Variants in BRAF observed in about 807,000 individuals in gnomAD.
BRAF encodes the protein B-Raf proto-oncogene, serine/threonine kinase, also known as serine/threonine-protein kinase B-raf.
A neutral mutation model predicts 104.6 loss-of-function variants in BRAF; 16 were observed. That is an observed-to-expected ratio of 0.15 (90% CI 0.10 to 0.23). BRAF has a LOEUF of 0.23. BRAF is among the 10% of genes least tolerant of loss of function. The probability of loss-of-function intolerance (pLI) is 1.00; values close to 1 mark genes in which losing one functional copy is unlikely to be tolerated. For synonymous variants in BRAF, 310 were observed against 341.6 expected (o/e 0.91, Z 1.02); for missense variants, 541 against 937.3 (o/e 0.58, Z 5.52).
At chr7:140,812,922 A>C (rs1562971989) in intron 3 of BRAF, among the ~76,000 whole-genome samples, 1 of 152,202 alleles carries the variant, frequency 6.6e-6, no homozygotes, top group Non-Finnish European at 1.5e-5. Context: ...AAGAAAGGGA[A>C]GGAGAGTGAA....
At chr7:140,758,958 T>C (rs1798434144) in intron 14 of BRAF, among the ~76,000 whole-genome samples, 1 of 152,226 alleles carries the variant, frequency 6.6e-6, no homozygotes, top group Non-Finnish European at 1.5e-5. Flanking sequence ...GGGAAACCAT[T>C]GATAATGACT....
At chr7:140,835,279 T>G (rs1032660004) in intron 2 of BRAF, 1 of 190,158 alleles carries the variant, frequency 5.3e-6, no homozygotes, top group Non-Finnish European at 1.1e-5. Flanking sequence ...TGTAGGCATA[T>G]GAATTCCATT....
At chr7:140,824,039 G>A (rs1805752822) in intron 3 of BRAF, 1 of 152,076 alleles carries the variant, frequency 6.6e-6, no homozygotes, top group Non-Finnish European at 1.5e-5. Context: ...TTATATTCTG[G>A]ATATTAACCC....
chr7:140,718,359 T>C (rs1373287703), downstream of BRAF, among the ~76,000 whole-genome samples: 22 of 152,240 alleles, frequency 1.4e-4, no homozygotes, highest in Non-Finnish European at 1.5e-5. Context: ...CAAGCGATTC[T>C]CCTGCCTCAG....
At chr7:140,844,803 T>C (rs1808373041) in intron 2 of BRAF, among the ~76,000 whole-genome samples, 1 of 151,874 alleles carries the variant, frequency 6.6e-6, no homozygotes, top group African/African-American at 2.4e-5. Flanking sequence ...GTGCCTGTAA[T>C]CCCAGCTACT....
At chr7:140,888,672 C>T (rs1813855557) in intron 1 of BRAF, among the ~76,000 whole-genome samples, 1 of 151,966 alleles carries the variant, frequency 6.6e-6, no homozygotes, top group Non-Finnish European at 1.5e-5. Flanking sequence ...CCTGTCTCTA[C>T]TAAAAGTACA....
At chr7:140,824,394 G>T (rs1351445018) in intron 3 of BRAF, 1 of 152,158 alleles carries the variant, frequency 6.6e-6, no homozygotes, top group African/African-American at 2.4e-5. Flanking sequence ...ATCATTTGCT[G>T]AACAGATTCT....
chr7:140,729,957 G>C (rs1415292489), intron 19 of BRAF, among the ~76,000 whole-genome samples: 1 of 152,102 alleles, frequency 6.6e-6, no homozygotes, highest in Non-Finnish European at 1.5e-5. Context: ...CAAAAGTCTA[G>C]TGCTTCTAAC....
intron 2 of BRAF, among the ~76,000 whole-genome samples, chr7:140,836,997 A>G (rs928415501): frequency 1.3e-5 from 2 of 152,232 alleles, no homozygotes; most frequent in African/African-American, 4.8e-5. Flanking sequence ...TTTTGAAAGT[A>G]TACTGATCCC....
chr7:140,866,123 C>A (rs900618145), intron 1 of BRAF, among the ~76,000 whole-genome samples: 1 of 152,052 alleles, frequency 6.6e-6, no homozygotes, highest in African/African-American at 2.4e-5. Flanking sequence ...ACTGAATTTT[C>A]GGAAAGGAGC....
chr7:140,738,681 A>T (rs1796647431), intron 18 of BRAF, among the ~76,000 whole-genome samples: 1 of 152,164 alleles, frequency 6.6e-6, no homozygotes, highest in African/African-American at 2.4e-5. Flanking sequence ...CAGTGGTGTC[A>T]TCTCAGCTCA....
chr7:140,822,786 C>A (rs976841073), intron 3 of BRAF, among the ~76,000 whole-genome samples: 3 of 152,134 alleles, frequency 2.0e-5, no homozygotes, highest in African/African-American at 7.2e-5. Context: ...TGGGTAAATA[C>A]CGAGGAGTAG....
Position 140,725,258 on chromosome 7 carries a change from A to G in BRAF, c.*1236T>C. 9.6e-7 allele frequency: 1 copy of G among 1,044,960 alleles called. No homozygotes were observed. The highest frequency in any genetic ancestry group is 4.6e-5 in the South Asian group (1 of 21,784). The allele number at this position is 1,044,960 out of a possible 1,614,324, so 64.7% of individuals were successfully genotyped here. A position where few individuals can be genotyped will look rare whatever the true frequency, so the allele number is the denominator to read the frequency against. The stretch of plus-strand genomic sequence containing the variant: ...AGAAACAATGAGATTATTAGCAAAG[A>G]TGTTAGTGTGGATCCAGCAAGTACC... On this transcript the variant is annotated 3_prime_UTR_variant, in exon 20 of 20. Coordinates refer to ENST00000644969, the MANE Select transcript of BRAF (RefSeq NM_001374258.1).
chr7:140,772,481 A>G (rs2129015496), intron 14 of BRAF, among the ~76,000 whole-genome samples: 1 of 152,120 alleles, frequency 6.6e-6, no homozygotes, highest in South Asian at 2.1e-4. Context: ...AACATGAGCC[A>G]GGTGTGATGG....
chr7:140,827,441 T>A (rs1229264676), intron 3 of BRAF, among the ~76,000 whole-genome samples: 1 of 152,116 alleles, frequency 6.6e-6, no homozygotes, highest in African/African-American at 2.4e-5. Flanking sequence ...TAAATTTGAA[T>A]CCCACACAAT....
intron 16 of BRAF, among the ~76,000 whole-genome samples, chr7:140,751,398 C>T (rs555534337): frequency 1.3e-5 from 2 of 152,270 alleles, no homozygotes; most frequent in South Asian, 2.1e-4. Context: ...TTTTAGGATA[C>T]ACTGCCATCT....
At chr7:140,736,072 CTTT>C (rs200796950) in intron 18 of BRAF, among the ~76,000 whole-genome samples, 7 of 139,744 alleles carry the variant, frequency 5.0e-5, no homozygotes, top group African/African-American at 1.0e-4. Flanking sequence ...TCTTCTGTAC[CTTT>C]TTTTTTTTTT....
At chr7:140,814,868 A>G (rs1290312071) in intron 3 of BRAF, among the ~76,000 whole-genome samples, 1 of 147,564 alleles carries the variant, frequency 6.8e-6, no homozygotes, top group Non-Finnish European at 1.5e-5. Flanking sequence ...AAAGTTTTTT[A>G]AAAAAACAGT....
intron 1 of BRAF, among the ~76,000 whole-genome samples, chr7:140,854,280 GT>G (rs1809526558): frequency 6.6e-6 from 1 of 152,144 alleles, no homozygotes; most frequent in Non-Finnish European, 1.5e-5. Context: ...AGTTGATTAT[GT>G]TTTCCATGTC....
Sources: allele counts gnomAD v4.1 joint callset (sites outside exome capture counted in the v4.1 genomes callset), GRCh38; gene constraint gnomAD v4.1.1; transcripts MANE v1.5; gene names NCBI Gene and HGNC (gene_info 2026-07-23, HGNC 2026-07-21).